Variants in FAM149A observed in about 807,000 individuals in gnomAD.
FAM149A encodes protein FAM149A.
Under a neutral mutation model 78.2 loss-of-function variants are expected in FAM149A, and 71 were observed. The observed-to-expected ratio is 0.91, with a 90% confidence interval of 0.75 to 1.11. The LOEUF (loss-of-function observed/expected upper bound fraction) is 1.11, where lower values mean the gene tolerates loss of function less well. Among genes scored for constraint, FAM149A ranks in the 50% least tolerant of loss-of-function variants. The pLI is 0.00. For missense variants in FAM149A, 1,036 were observed against 971.0 expected (o/e 1.07, Z -0.89); for synonymous variants, 446 against 410.5 (o/e 1.09, Z -1.04).
Position 186,144,748 on chromosome 4 carries a change from C to G in FAM149A, c.567-4425C>G, listed in dbSNP as rs1426755115. On this transcript the variant is annotated intron_variant, in intron 1 of 13. Transcript: ENST00000389354. The surrounding 1 kb of genome is among the most constrained non-coding windows in gnomAD (Gnocchi z 4.2). ...CGGGGCCGGGGCCGGGGCCGGGGCC[C>G]GGAGCGGGGATGGGCGGGCGCAGCC... The G allele has an allele frequency of 2.3e-6, 2 of 864,902 alleles. No individual in the cohort carries two copies. Among genetic ancestry groups the G allele is most frequent in the Non-Finnish European group, 2.7e-6 (2 of 736,476 alleles). The allele number at this position is 864,902 out of a possible 1,614,324, so 53.6% of individuals were successfully genotyped here.
chr4:186,157,624 G>A lies in FAM149A; in HGVS notation c.1480G>A (p.Val494Ile), dbSNP rs773535952. Residue 494 changes from valine (V) to isoleucine (I), a missense_variant, in exon 8 of 14, where the codon GTT becomes ATT. Around this residue, in one of 3 missense-constraint regions of FAM149A, gnomAD observed 716 missense variants for 711.8 expected, o/e 1.01. Coordinates refer to ENST00000389354, the MANE Select transcript of FAM149A (RefSeq NM_001367768.3). ...TGGAAACAGATTTCCGCACGTCCTC[G>A]TTCCACACGCTCACGCCGATGGAGC... The A allele has an allele frequency of 5.6e-6, 9 of 1,614,074 alleles. No individual in the cohort carries two copies. The highest frequency in any genetic ancestry group is 2.2e-5 in the East Asian group (1 of 44,900).
At chr4:186,136,894 C>G (rs1579836615) in intron 1 of FAM149A, among the ~76,000 whole-genome samples, 1 of 151,752 alleles carries the variant, frequency 6.6e-6, no homozygotes, top group East Asian at 1.9e-4. Context: ...AACAGCAGTG[C>G]CCCCTTCGAA....
intron 1 of FAM149A, among the ~76,000 whole-genome samples, chr4:186,130,401 G>A (rs897360665): frequency 7.3e-5 from 11 of 150,894 alleles, no homozygotes; most frequent in African/African-American, 2.4e-4. Flanking sequence ...TTGAGACAGA[G>A]TCTTACTCTG....
chr4:186,151,111 C>T, intron 3 of FAM149A: 1 of 963,298 alleles, frequency 1.0e-6, no homozygotes, highest in Non-Finnish European at 1.2e-6. Flanking sequence ...AGGGCAGGTG[C>T]ACCGAGGGGG....
intron 1 of FAM149A, chr4:186,127,772 G>T (rs1354867836): frequency 1.5e-6 from 1 of 678,014 alleles, no homozygotes; most frequent in Non-Finnish European, 1.8e-6. Flanking sequence ...TGCAACCTCT[G>T]CCTTCCAAGT....
At chr4:186,133,797 C>T (rs369069804) in intron 1 of FAM149A, among the ~76,000 whole-genome samples, 1 of 152,122 alleles carries the variant, frequency 6.6e-6, no homozygotes, top group Admixed American at 6.5e-5. Context: ...CCAGGGAGGA[C>T]AGGCATGTGC....
At chr4:186,108,416 A>AG in intron 1 of FAM149A, among the ~76,000 whole-genome samples, 1 of 146,872 alleles carries the variant, frequency 6.8e-6, no homozygotes, top group East Asian at 2.0e-4. Context: ...TTGGCTTTAA[A>AG]AAAAAAAAAC....
intron 1 of FAM149A, chr4:186,133,098 T>G: frequency 1.0e-6 from 1 of 985,414 alleles, no homozygotes; most frequent in Non-Finnish European, 1.2e-6. Flanking sequence ...CATTCACTGG[T>G]GGGTAAAGGT....
chr4:186,105,076 C>A lies in FAM149A; in HGVS notation c.-1C>A. 1 of 1,273,352 alleles carries A rather than the reference C, an allele frequency of 7.9e-7. No individual in the cohort carries two copies. Among genetic ancestry groups the A allele is most frequent in the South Asian group, 1.2e-5 (1 of 80,296 alleles). The allele number at this position is 1,273,352 out of a possible 1,614,324, so 78.9% of individuals were successfully genotyped here. A position where few individuals can be genotyped will look rare whatever the true frequency, so the allele number is the denominator to read the frequency against. On this transcript the variant is annotated 5_prime_UTR_variant, in exon 1 of 14. Transcript: ENST00000389354. ...GAGGACGGCGTGTCCACTGTCGAGG[C>A]ATGAAGGCTGCTGTGCTGGACCTTG...
intron 1 of FAM149A, among the ~76,000 whole-genome samples, chr4:186,115,223 C>T (rs1439250252): frequency 3.9e-5 from 2 of 51,412 alleles, no homozygotes; most frequent in East Asian, 6.6e-4. Flanking sequence ...ACGTAGTTCT[C>T]GAGCCTTGGT....
intron 7 of FAM149A, 95 bp downstream of exon 7, chr4:186,156,285 G>A (rs1313849801): frequency 1.2e-6 from 1 of 869,470 alleles, no homozygotes; most frequent in Non-Finnish European, 1.8e-6. Context: ...CCTAGAACGT[G>A]ACCAGTGAGA....
Position 186,173,548 on chromosome 4 carries a change from G to A in FAM149A, c.*1561G>A, listed in dbSNP as rs553069203. On this transcript the variant is annotated 3_prime_UTR_variant, in exon 14 of 14. Coordinates refer to ENST00000389354, the MANE Select transcript of FAM149A (RefSeq NM_001367768.3). ...TTTTTTGTATTTTTAGTAGAGGCAG[G>A]GTTTCACCATGTTAGCCAGGCCGGT... Among the ~76,000 whole-genome samples, 11 of 110,920 alleles carry A rather than the reference G, an allele frequency of 9.9e-5. 3 individuals are homozygous for A. In the South Asian group the frequency reaches 3.1e-3, roughly 31 times the overall value. 72.8% of individuals were successfully genotyped at this position (110,920 alleles called of 152,430 possible).
At chr4:186,132,933 C>T in intron 1 of FAM149A, 1 of 976,586 alleles carries the variant, frequency 1.0e-6, no homozygotes, top group East Asian at 1.1e-4. Context: ...AAGCCCTGAA[C>T]CCCCAGTGTG....
At position 186,144,676 on chromosome 4, in the gene FAM149A, C is replaced by G; in HGVS notation, c.567-4497C>G. The G allele has an allele frequency of 2.3e-6, 1 of 442,110 alleles. No homozygotes were observed. Among genetic ancestry groups the G allele is most frequent in the Non-Finnish European group, 3.0e-6 (1 of 332,292 alleles). The allele number at this position is 442,110 out of a possible 1,614,324, so 27.4% of individuals were successfully genotyped here. On this transcript the variant is annotated intron_variant, in intron 1 of 13. Coordinates refer to ENST00000389354, the MANE Select transcript of FAM149A (RefSeq NM_001367768.3). The surrounding 1 kb of genome is among the most constrained non-coding windows in gnomAD (Gnocchi z 4.2). ...GAGGAGTGGCCGCTGGGTTGGAAAC[C>G]CGGCCCGGCAGGGAGCGGGGAAGGC...
intron 1 of FAM149A, among the ~76,000 whole-genome samples, chr4:186,142,020 GA>G (rs1015973390): frequency 4.6e-5 from 7 of 152,140 alleles, no homozygotes; most frequent in African/African-American, 1.7e-4. Context: ...TTCCCTGGAG[GA>G]AAGCAGGCTG....
At position 186,104,966 on chromosome 4, in the gene FAM149A, C is replaced by T; in HGVS notation, c.-111C>T. 2 of 1,181,258 alleles carry T rather than the reference C, an allele frequency of 1.7e-6. No individual in the cohort carries two copies. Among genetic ancestry groups the T allele is most frequent in the Non-Finnish European group, 2.1e-6 (2 of 942,518 alleles). The allele number at this position is 1,181,258 out of a possible 1,614,324, so 73.2% of individuals were successfully genotyped here. Reference sequence around the variant, plus strand: ...GAGAGGGAGCCAGGGGCCTCCGGGGCTCCGGGTGCGGGGACCTCAGGCTCC... The same window carrying T: ...GAGAGGGAGCCAGGGGCCTCCGGGGTTCCGGGTGCGGGGACCTCAGGCTCC... On this transcript the variant is annotated 5_prime_UTR_variant, in exon 1 of 14. Coordinates refer to ENST00000389354, the MANE Select transcript of FAM149A (RefSeq NM_001367768.3).
intron 13 of FAM149A, chr4:186,171,320 A>G (rs1200927371): frequency 6.6e-6 from 1 of 152,220 alleles, no homozygotes; most frequent in East Asian, 1.9e-4. Context: ...TGAGACAGCT[A>G]CTATTGATGG....
At chr4:186,122,770 A>C (rs1452625676) in intron 1 of FAM149A, 1 of 503,646 alleles carries the variant, frequency 2.0e-6, no homozygotes. Flanking sequence ...ATTGTTCATA[A>C]ATAATGTAAA....
intron 9 of FAM149A, among the ~76,000 whole-genome samples, 190 bp downstream of exon 9, chr4:186,163,138 A>G (rs564953433): frequency 6.6e-6 from 1 of 152,288 alleles, no homozygotes; most frequent in East Asian, 1.9e-4. Flanking sequence ...ACTATCGTGT[A>G]TTTGGTAGGG....
Sources: gnomAD v4.1 joint callset for allele counts (sites outside exome capture counted in the v4.1 genomes callset) on GRCh38, gnomAD v4.1.1 for gene constraint, gnomAD v4.1.1 regional missense constraint, Gnocchi (gnomAD v3.1) non-coding constraint, MANE v1.5 for transcripts, NCBI Gene and HGNC (gene_info 2026-07-23, HGNC 2026-07-21) for gene names.